The following ANKRD36 variants were observed in gnomAD, a reference collection of about 807,000 sequenced individuals.
The protein encoded by ANKRD36 is ankyrin repeat domain 36, also known as ankyrin repeat domain-containing protein 36A.
Under a neutral mutation model 278.1 loss-of-function variants are expected in ANKRD36, and 179 were observed. The ratio of observed to expected loss-of-function variants is 0.64; its 90% CI spans 0.57 to 0.73. ANKRD36 has a LOEUF of 0.73. ANKRD36 is among the 30% of genes least tolerant of loss of function. ANKRD36 has a pLI of 0.00. For synonymous variants in ANKRD36, 320 were observed against 641.1 expected, an observed-to-expected ratio of 0.50 and a Z score of 7.57; for missense variants, 1,159 against 1,956.7, an observed-to-expected ratio of 0.59 and a Z score of 7.69.
At chr2:97,157,162 G>A (rs2047688227) in intron 15 of ANKRD36, among the ~76,000 whole-genome samples, 1 of 144,036 alleles carries the variant, frequency 6.9e-6, no homozygotes, top group South Asian at 2.2e-4. Context: ...TTTGTAGTAA[G>A]AATGTTTCAG....
At chr2:97,175,612 G>A (rs1379761220) in intron 22 of ANKRD36, among the ~76,000 whole-genome samples, 1 of 151,594 alleles carries the variant, frequency 6.6e-6, no homozygotes, top group Non-Finnish European at 1.5e-5. Context: ...GGGTTTTTGT[G>A]TCTCTATTTC....
At chr2:97,134,584 T>C (rs930277120) in intron 6 of ANKRD36, among the ~76,000 whole-genome samples, 7 of 152,108 alleles carry the variant, frequency 4.6e-5, no homozygotes, top group Non-Finnish European at 8.8e-5. Context: ...ACAGTCTATA[T>C]TATTATAACA....
At position 97,204,074 on chromosome 2, in the gene ANKRD36, C is replaced by T; in HGVS notation, c.2966C>T (p.Ser989Phe). 6 of 1,573,024 alleles carry T rather than the reference C, an allele frequency of 3.8e-6. No individual in the cohort carries two copies. In the South Asian group the frequency reaches 5.9e-5, roughly 15 times the overall value. ...AATCCCTTTTACTTTTCAGTGTCTT[C>T]TGAGAAACCACCAGGCTTGAAGGTA... ...KDGEKSRTVSSEKPPGLKATS... is the reference protein window; with the variant it reads ...KDGEKSRTVSFEKPPGLKATS... Residue 989 changes from serine to phenylalanine, a missense_variant, in exon 49 of 76, where the codon TCT (serine) becomes TTT (phenylalanine). Ser to Phe is a radical substitution (Grantham distance 155). Coordinates refer to ENST00000420699, the MANE Select transcript of ANKRD36 (RefSeq NM_001354587.1).
rs1231571274 is a variant in ANKRD36, at chr2:97,146,483, T to C, written c.1004-3T>C. The stretch of plus-strand genomic sequence containing the variant: ...AAAATGCATTTTACTTTTTGTTTAA[T>C]AGTGCTTCCTGCTGTTGAACAGTGT... On this transcript the variant is annotated splice_region_variant and splice_polypyrimidine_tract_variant and intron_variant, in intron 10 of 75. Transcript: ENST00000420699. 1.3e-6 allele frequency: 2 copies of C among 1,517,770 alleles called. No homozygotes were observed. Among genetic ancestry groups the C allele is most frequent in the African/African-American group, 1.4e-5 (1 of 72,340 alleles). 94.0% of individuals were successfully genotyped at this position (1,517,770 alleles called of 1,614,324 possible).
At chr2:97,130,136 T>G (rs1013489186) in intron 6 of ANKRD36, among the ~76,000 whole-genome samples, 2 of 151,980 alleles carry the variant, frequency 1.3e-5, no homozygotes, top group African/African-American at 2.4e-5. Context: ...TTGTATCCTC[T>G]TTTATTTCAT....
Position 97,200,362 on chromosome 2 carries a change from G to A in ANKRD36, c.2784G>A (p.Glu928=), listed in dbSNP as rs778667590. Reference sequence around the variant, plus strand: ...CTTCTCGGAAAAAACCATCCTTGGAGGTAATGAAACTCTCATTCATATTGT... The same window carrying A: ...CTTCTCGGAAAAAACCATCCTTGGAAGTAATGAAACTCTCATTCATATTGT... ...RVSSRKKPSL[E]ATSDEKDSFS... is the part of the protein sequence containing the mutation. Residue 928 remains glutamate (E), a splice_region_variant and synonymous_variant, in exon 45 of 76, where the codon GAG becomes GAA. Transcript: ENST00000420699. 3.1e-6 allele frequency: 5 copies of A among 1,605,952 alleles called. No homozygotes were observed. The highest frequency in any genetic ancestry group is 4.2e-6 in the Non-Finnish European group (5 of 1,178,712).
intron 3 of ANKRD36, 40 bp from the exon 4 acceptor site, chr2:97,122,847 T>C (rs2037277392): frequency 2.0e-6 from 3 of 1,505,632 alleles, no homozygotes; most frequent in Non-Finnish European, 2.7e-6. Context: ...TTGATAAATA[T>C]GTAATTTTGT....
chr2:97,217,694 A>G (rs1166477124), intron 64 of ANKRD36, among the ~76,000 whole-genome samples: 1 of 152,040 alleles, frequency 6.6e-6, no homozygotes, highest in Admixed American at 6.6e-5. Flanking sequence ...GGAAAGGGGA[A>G]GGAGAAAGAG....
intron 38 of ANKRD36, among the ~76,000 whole-genome samples, chr2:97,194,232 G>T (rs888859934): frequency 1.3e-5 from 2 of 151,648 alleles, no homozygotes; most frequent in Non-Finnish European, 2.9e-5. Context: ...GAAGAGATGT[G>T]AAGTGTACGT....
At chr2:97,140,131 A>G (rs1174160079) in intron 6 of ANKRD36, among the ~76,000 whole-genome samples, 1 of 148,904 alleles carries the variant, frequency 6.7e-6, no homozygotes, top group Non-Finnish European at 1.5e-5. Context: ...GTCTCATGGC[A>G]CTCTGCTCTT....
At chr2:97,211,020 G>T (rs2064374053) in intron 56 of ANKRD36, among the ~76,000 whole-genome samples, 1 of 151,888 alleles carries the variant, frequency 6.6e-6, no homozygotes, top group African/African-American at 2.4e-5. Flanking sequence ...TATCCAAGGT[G>T]ATCAATTTAG....
At chr2:97,200,263 C>G in intron 44 of ANKRD36, 71 bp from the exon 45 acceptor site, 1 of 1,603,772 alleles carries the variant, frequency 6.2e-7, no homozygotes, top group East Asian at 2.3e-5. Flanking sequence ...TTGATGCTAA[C>G]ACTGTGTGAA....
chr2:97,234,018 A>T, intron 68 of ANKRD36, 147 bp downstream of exon 68: 1 of 516,298 alleles, frequency 1.9e-6, no homozygotes, highest in Non-Finnish European at 3.1e-6. Context: ...AATGAAAGCA[A>T]CTGTATCTTG....
intron 46 of ANKRD36, among the ~76,000 whole-genome samples, chr2:97,200,781 G>C (rs779780958): frequency 6.6e-6 from 1 of 151,874 alleles, no homozygotes; most frequent in African/African-American, 2.4e-5. Flanking sequence ...AAGGGGCTCT[G>C]GGGCCCAGCA....
chr2:97,178,320 A>C (rs186247484), intron 22 of ANKRD36, among the ~76,000 whole-genome samples: 27 of 152,158 alleles, frequency 1.8e-4, no homozygotes, highest in Non-Finnish European at 3.1e-4. Flanking sequence ...CAGCCATCCC[A>C]TTAATGGGTA....
chr2:97,179,498 T>C lies in ANKRD36; in HGVS notation c.1634-240T>C, dbSNP rs200384984. ...TGGTTTTATTTTAGTTTTAGACATA[T>C]GGAGAAAGTCATATCACATATGAAA... is the stretch of plus-strand genomic sequence containing the variant. On this transcript the variant is annotated intron_variant, in intron 22 of 75. Transcript: ENST00000420699. Among the ~76,000 whole-genome samples the C allele has an allele frequency of 9.4e-4, 143 of 151,698 alleles. 5 individuals carry two copies. In the East Asian group the frequency reaches 0.024, roughly 25 times the overall value.
intron 56 of ANKRD36, among the ~76,000 whole-genome samples, chr2:97,210,933 A>C (rs2064325808): frequency 6.6e-6 from 1 of 151,894 alleles, no homozygotes. Flanking sequence ...TAGTGGATAC[A>C]AGAAACTTAG....
At position 97,144,710 on chromosome 2, in the gene ANKRD36, C is replaced by G; in HGVS notation, c.1001C>G (p.Thr334Arg). 1.9e-6 allele frequency: 3 copies of G among 1,544,136 alleles called. No individual in the cohort carries two copies. Among genetic ancestry groups the G allele is most frequent in the Non-Finnish European group, 2.6e-6 (3 of 1,146,322 alleles). The change falls in exon 10 of 76, where the codon ACA becomes AGA. Residue 334 changes from threonine to arginine, a missense_variant and splice_region_variant. Transcript: ENST00000420699. Reference sequence around the variant, plus strand: ...ATAAAAGATGAACAAAAATCTGGGACAGGTAATTTTGCAATACACATTTAA... The same window carrying G: ...ATAAAAGATGAACAAAAATCTGGGAGAGGTAATTTTGCAATACACATTTAA... ...TEIKDEQKSG[T>R]VLPAVEQCLN... is the part of the protein sequence containing the mutation.
At chr2:97,203,445 C>A (rs539230679) in intron 48 of ANKRD36, among the ~76,000 whole-genome samples, 2 of 151,930 alleles carry the variant, frequency 1.3e-5, no homozygotes, top group South Asian at 4.2e-4. Flanking sequence ...GAAGGCTAAA[C>A]TAGTGGATAC....
Sources: allele counts gnomAD v4.1 joint callset (sites outside exome capture counted in the v4.1 genomes callset), GRCh38; gene constraint gnomAD v4.1.1; transcripts MANE v1.5; gene names NCBI Gene and HGNC (gene_info 2026-07-23, HGNC 2026-07-21).